The following GDPD4 variants were observed in gnomAD, a reference collection of about 807,000 sequenced individuals.
GDPD4 encodes the protein glycerophosphodiester phosphodiesterase domain containing 4.
GDPD4 carries 60 observed loss-of-function variants against 67.8 expected under a neutral mutation model. That is an observed-to-expected ratio of 0.88 (90% CI 0.72 to 1.10). The LOEUF is 1.10. Ranked by LOEUF, GDPD4 falls within the 50% of genes least tolerant of loss-of-function variation. GDPD4 has a pLI of 0.00. For missense variants in GDPD4, 623 were observed against 613.9 expected, an observed-to-expected ratio of 1.01 and a Z score of -0.16; for synonymous variants, 212 against 210.9, an observed-to-expected ratio of 1.00 and a Z score of -0.04.
intron 10 of GDPD4, among the ~76,000 whole-genome samples, chr11:77,266,778 A>G (rs978170679): frequency 3.2e-4 from 49 of 152,224 alleles, no homozygotes; most frequent in Admixed American, 4.6e-4. Context: ...AAAACAGCTT[A>G]GAGAATAAGG....
intron 14 of GDPD4, among the ~76,000 whole-genome samples, chr11:77,231,180 G>C (rs1292314206): frequency 6.6e-6 from 1 of 152,266 alleles, no homozygotes; most frequent in East Asian, 1.9e-4. Flanking sequence ...AGCATTAAAA[G>C]CTAACTGATA....
chr11:77,239,769 T>C (rs1294328313), intron 13 of GDPD4, among the ~76,000 whole-genome samples: 1 of 152,076 alleles, frequency 6.6e-6, no homozygotes, highest in Non-Finnish European at 1.5e-5. Flanking sequence ...GAGACCAGCC[T>C]GGCTAACATG....
At chr11:77,222,300 C>T (rs1391745476) in intron 16 of GDPD4, among the ~76,000 whole-genome samples, 1 of 152,170 alleles carries the variant, frequency 6.6e-6, no homozygotes, top group Non-Finnish European at 1.5e-5. Flanking sequence ...TTAGTTGATG[C>T]AGTTTCTTCC....
At chr11:77,224,583 G>GAGAAAAC (rs1565505050) in intron 16 of GDPD4, among the ~76,000 whole-genome samples, 1 of 152,170 alleles carries the variant, frequency 6.6e-6, no homozygotes, top group Non-Finnish European at 1.5e-5. Flanking sequence ...AACAGCCATT[G>GAGAAAAC]AGAAAACAGA....
chr11:77,301,325 A>C (rs1162636970), intron 1 of GDPD4, among the ~76,000 whole-genome samples: 1 of 152,012 alleles, frequency 6.6e-6, no homozygotes, highest in Admixed American at 6.6e-5. Flanking sequence ...TGAGATCAAA[A>C]CCCAAGGGTT....
chr11:77,283,608 C>T, intron 3 of GDPD4, among the ~76,000 whole-genome samples: 1 of 151,896 alleles, frequency 6.6e-6, no homozygotes. Flanking sequence ...AATGAAACTG[C>T]AGATGAACCA....
chr11:77,272,986 T>C (rs1782244301), intron 5 of GDPD4, among the ~76,000 whole-genome samples: 1 of 152,186 alleles, frequency 6.6e-6, no homozygotes, highest in Admixed American at 6.5e-5. Flanking sequence ...ATTAATTATA[T>C]AACTCTAGCC....
chr11:77,266,987 A>G (rs1395835254), intron 10 of GDPD4, among the ~76,000 whole-genome samples: 1 of 152,194 alleles, frequency 6.6e-6, no homozygotes, highest in African/African-American at 2.4e-5. Context: ...AGGCCTTCCC[A>G]TTCACTTACC....
intron 11 of GDPD4, among the ~76,000 whole-genome samples, chr11:77,251,750 T>G (rs1322300453): frequency 2.6e-5 from 4 of 152,186 alleles, no homozygotes; most frequent in Non-Finnish European, 5.9e-5. Flanking sequence ...CTCCCCAGAT[T>G]TGGGAAGTTT....
At chr11:77,227,703 A>G (rs1456733656) in intron 16 of GDPD4, among the ~76,000 whole-genome samples, 161 bp downstream of exon 16, 1 of 152,148 alleles carries the variant, frequency 6.6e-6, no homozygotes, top group African/African-American at 2.4e-5. Flanking sequence ...GTCCTCCAGA[A>G]TCTATGCCCA....
chr11:77,243,811 C>T lies in GDPD4; in HGVS notation c.1124G>A (p.Arg375Lys), dbSNP rs1958723490. 1.2e-6 allele frequency: 2 copies of T among 1,613,728 alleles called. No homozygotes were observed. The highest frequency in any genetic ancestry group is 1.7e-6 in the Non-Finnish European group (2 of 1,179,816). ...ATGCTGAAAACCAGGAGCCACGGAC[C>T]TGACGTATTGCCTATCATGAGCTGG... ...WLPAHDRQYV[R>K]SVAPGFQHVG... is the part of the protein sequence containing the mutation. The change falls in exon 13 of 17, where the codon AGG (arginine) becomes AAG (lysine). Residue 375 changes from arginine to lysine, a missense_variant. Physicochemically the swap from Arg to Lys is conservative, Grantham distance 26. Coordinates refer to ENST00000315938, the MANE Select transcript of GDPD4 (RefSeq NM_182833.3).
At chr11:77,252,071 T>TTTTTTTTGTTTTG (rs1565523376) in intron 11 of GDPD4, among the ~76,000 whole-genome samples, 24 of 140,996 alleles carry the variant, frequency 1.7e-4, no homozygotes, top group Non-Finnish European at 2.1e-4. Flanking sequence ...TTTTGTTTTT[T>TTTTTTTTGTTTTG]TTTTTTTTTT....
At chr11:77,295,565 A>C (rs537526893) in intron 1 of GDPD4, among the ~76,000 whole-genome samples, 6 of 152,084 alleles carry the variant, frequency 3.9e-5, no homozygotes, top group Non-Finnish European at 8.8e-5. Flanking sequence ...TGGGAGGTTG[A>C]GGCTGCAGCA....
At chr11:77,273,578 G>A (rs956968428) in intron 5 of GDPD4, among the ~76,000 whole-genome samples, 1 of 152,216 alleles carries the variant, frequency 6.6e-6, no homozygotes, top group Non-Finnish European at 1.5e-5. Context: ...ACAAGGAAAA[G>A]AGAACATAAT....
intron 16 of GDPD4, among the ~76,000 whole-genome samples, chr11:77,222,067 A>G (rs1285323726): frequency 6.7e-6 from 1 of 149,382 alleles, no homozygotes; most frequent in Non-Finnish European, 1.5e-5. Context: ...TTTGCTTTCC[A>G]TTTGCTTGGT....
chr11:77,298,330 G>A (rs1332623661), intron 1 of GDPD4, among the ~76,000 whole-genome samples: 2 of 152,064 alleles, frequency 1.3e-5, no homozygotes, highest in African/African-American at 4.8e-5. Flanking sequence ...TGACCAACAT[G>A]GTGAAACCCC....
intron 11 of GDPD4, among the ~76,000 whole-genome samples, chr11:77,248,888 ATTTT>A (rs568506140): frequency 3.3e-5 from 4 of 122,398 alleles, no homozygotes; most frequent in African/African-American, 3.0e-5. Context: ...TGCCCGGCTA[ATTTT>A]TTTTTTTTTT....
rs2853092 is a variant in GDPD4 at position 77,283,677 on chromosome 11, A to G, written c.53+1408T>C. On this transcript the variant is annotated intron_variant, in intron 3 of 16. Transcript: ENST00000315938. The stretch of plus-strand genomic sequence containing the variant: ...AGTAGGCAAAGGAAAATAAATTTTA[A>G]AAGAAATTAGTTAAATAAACTTGTT... Among the ~76,000 whole-genome samples the G allele has an allele frequency of 8.3e-3, 1,258 of 152,240 alleles. 50 individuals are homozygous for G. The East Asian group carries it at 0.11, about 14-fold the overall frequency.
chr11:77,257,552 T>C (rs1242187487), intron 11 of GDPD4, among the ~76,000 whole-genome samples: 13 of 134,342 alleles, frequency 9.7e-5, no homozygotes, highest in South Asian at 2.7e-4. Context: ...CTCCCTCTCC[T>C]ACACACACAC....
Sources: gnomAD v4.1 joint callset for allele counts (sites outside exome capture counted in the v4.1 genomes callset) on GRCh38, gnomAD v4.1.1 for gene constraint, MANE v1.5 for transcripts, NCBI Gene and HGNC (gene_info 2026-07-23, HGNC 2026-07-21) for gene names.